Variants in CSGALNACT1 observed in about 807,000 individuals in gnomAD.
CSGALNACT1 encodes the protein beta4GalNAcT-1.
Under a neutral mutation model 51.0 loss-of-function variants are expected in CSGALNACT1, and 52 were observed. The observed-to-expected ratio is 1.02, with a 90% CI of 0.82 to 1.29. The LOEUF (loss-of-function observed/expected upper bound fraction) is 1.29. Among genes scored for constraint, CSGALNACT1 ranks in the 50% most tolerant of loss-of-function variants. The pLI, the probability that CSGALNACT1 is intolerant of heterozygous loss-of-function variation, is 0.00. For missense variants in CSGALNACT1, 935 were observed against 679.2 expected (o/e 1.38, Z -4.19); for synonymous variants, 341 against 254.4 (o/e 1.34, Z -3.24).
chr8:19,646,751 G>C (rs1012359306), intron 1 of CSGALNACT1, among the ~76,000 whole-genome samples: 3 of 152,020 alleles, frequency 2.0e-5, no homozygotes, highest in Non-Finnish European at 4.4e-5. Context: ...TCCTATTACA[G>C]TTAACAATTG....
intron 4 of CSGALNACT1, among the ~76,000 whole-genome samples, chr8:19,475,986 G>C (rs1383919907): frequency 6.6e-6 from 1 of 152,140 alleles, no homozygotes; most frequent in Non-Finnish European, 1.5e-5. Flanking sequence ...ATGTCCACGA[G>C]AAGCAATGAA....
intron 3 of CSGALNACT1, among the ~76,000 whole-genome samples, chr8:19,542,352 A>G (rs1471693258): frequency 6.6e-6 from 1 of 152,210 alleles, no homozygotes; most frequent in Non-Finnish European, 1.5e-5. Context: ...CATAATAAGA[A>G]GGGAAGAATG....
intron 1 of CSGALNACT1, among the ~76,000 whole-genome samples, chr8:19,721,798 C>CTAATTGGCTTTAGCTGTTCCTT (rs1251399452): frequency 2.0e-5 from 3 of 152,310 alleles, no homozygotes; most frequent in Non-Finnish European, 4.4e-5. Flanking sequence ...TTAAAACATG[C>CTAATTGGCTTTAGCTGTTCCTT]TAATTGGCTT....
chr8:19,520,115 C>T (rs896361009), intron 3 of CSGALNACT1, among the ~76,000 whole-genome samples: 5 of 152,200 alleles, frequency 3.3e-5, no homozygotes, highest in African/African-American at 1.2e-4. Flanking sequence ...TCTCCTCTTC[C>T]TTCCCCACCT....
intron 3 of CSGALNACT1, among the ~76,000 whole-genome samples, chr8:19,506,725 GTC>G (rs1587465302): frequency 6.6e-6 from 1 of 152,064 alleles, no homozygotes; most frequent in Admixed American, 6.6e-5. Context: ...CTGGCTCTTT[GTC>G]TCTCTCTATC....
chr8:19,487,904 C>A (rs2073373366), intron 4 of CSGALNACT1, among the ~76,000 whole-genome samples: 1 of 146,720 alleles, frequency 6.8e-6, no homozygotes, highest in Non-Finnish European at 1.5e-5. Flanking sequence ...TCAAGATATG[C>A]TAAAAAAACT....
intron 1 of CSGALNACT1, among the ~76,000 whole-genome samples, chr8:19,746,121 C>A (rs2064645295): frequency 6.6e-6 from 1 of 152,088 alleles, no homozygotes; most frequent in South Asian, 2.1e-4. Context: ...TCAAAAGAAG[C>A]AATAAACATC....
intron 3 of CSGALNACT1, among the ~76,000 whole-genome samples, chr8:19,548,571 A>T (rs370007044): frequency 9.1e-6 from 1 of 110,318 alleles, no homozygotes. Context: ...TATTATTTTT[A>T]AAACATTTTG....
At chr8:19,507,802 G>C (rs1192188997) in intron 3 of CSGALNACT1, among the ~76,000 whole-genome samples, 1 of 152,160 alleles carries the variant, frequency 6.6e-6, no homozygotes, top group Non-Finnish European at 1.5e-5. Flanking sequence ...TAATGTTTTT[G>C]TATTTTAGTA....
chr8:19,679,434 G>A (rs1440686267), intron 1 of CSGALNACT1, among the ~76,000 whole-genome samples: 2 of 152,026 alleles, frequency 1.3e-5, no homozygotes, highest in Admixed American at 6.6e-5. Context: ...TCCAGCCTGG[G>A]CAACAGAGGG....
chr8:19,441,427 C>T (rs1169134002), intron 5 of CSGALNACT1, among the ~76,000 whole-genome samples: 2 of 152,168 alleles, frequency 1.3e-5, no homozygotes, highest in African/African-American at 4.8e-5. Context: ...TATCTACAAC[C>T]ATCTGATCTT....
intron 4 of CSGALNACT1, among the ~76,000 whole-genome samples, chr8:19,469,913 CAGA>C (rs1486950617): frequency 6.6e-6 from 1 of 151,856 alleles, no homozygotes; most frequent in Non-Finnish European, 1.5e-5. Flanking sequence ...ATTTGCTTCA[CAGA>C]AGGAGAAAGG....
chr8:19,684,520 C>A (rs538419752), upstream of CSGALNACT1, among the ~76,000 whole-genome samples: 2 of 152,186 alleles, frequency 1.3e-5, no homozygotes, highest in Admixed American at 6.5e-5. Flanking sequence ...CTCCCCATAA[C>A]CCCAGGGCTC....
exon 1 of CSGALNACT1, chr8:19,602,017 C>A (rs1164717076): frequency 5.5e-6 from 2 of 360,630 alleles, no homozygotes; most frequent in South Asian, 2.2e-5. Flanking sequence ...GGTATTTGTT[C>A]TCTCCCTGTT....
intron 1 of CSGALNACT1, among the ~76,000 whole-genome samples, chr8:19,623,037 A>T (rs868783004): frequency 2.0e-5 from 3 of 152,204 alleles, no homozygotes; most frequent in African/African-American, 7.2e-5. Flanking sequence ...CATTCCACAC[A>T]TGTATCCCAG....
At chr8:19,458,630 G>C in exon 5 of CSGALNACT1, 4 of 1,613,946 alleles carry the variant, frequency 2.5e-6, no homozygotes, top group Non-Finnish European at 3.4e-6. Context: ...GTCCCTTTCT[G>C]TTCGGTAGAT....
At chr8:19,740,126 C>T (rs1053322375) in intron 1 of CSGALNACT1, among the ~76,000 whole-genome samples, 3 of 152,316 alleles carry the variant, frequency 2.0e-5, no homozygotes, top group Non-Finnish European at 4.4e-5. Flanking sequence ...ACAAGCTCTC[C>T]GCTGCCTGTG....
rs1177196453 is a variant in CSGALNACT1, at chr8:19,757,250, C to G, written c.-297+600G>C. On this transcript the variant is annotated intron_variant, in intron 1 of 1. Coordinates refer to the CSGALNACT1 transcript ENST00000517494. The surrounding 1 kb of genome is among the most constrained non-coding windows in gnomAD (Gnocchi z 4.0). ...CTGCCGCCGTCGCTGAACTTTCCCTCCTGCGCGGCCGCCGCGGACTCGGCT... is the reference window on the plus strand; with the variant it reads ...CTGCCGCCGTCGCTGAACTTTCCCTGCTGCGCGGCCGCCGCGGACTCGGCT... 1 of 149,866 alleles carries G rather than the reference C, an allele frequency of 6.7e-6. No individual in the cohort carries two copies. The highest frequency in any genetic ancestry group is 1.5e-5 in the Non-Finnish European group (1 of 67,100). 9.3% of individuals were successfully genotyped at this position (149,866 alleles called of 1,614,324 possible). A position where few individuals can be genotyped will look rare whatever the true frequency, so the allele number is the denominator to read the frequency against.
rs536804896 is a variant in CSGALNACT1 at position 19,666,980 on chromosome 8, A to T, written c.-544+15493T>A. On this transcript the variant is annotated intron_variant, in intron 1 of 9. Transcript: ENST00000332246. ...GAAAGAAAGAAAGAAAGAAAGAAAG[A>T]AAGAAAGAAAGAAAGAAAGAAAGAA... Among the ~76,000 whole-genome samples the T allele has an allele frequency of 4.1e-3, 57 of 13,762 alleles. 4 individuals carry two copies. The highest frequency in any genetic ancestry group is 0.028 in the African/African-American group (54 of 1,918). 9.0% of individuals were successfully genotyped at this position (13,762 alleles called of 152,430 possible).
Sources: gnomAD v4.1 joint callset for allele counts (sites outside exome capture counted in the v4.1 genomes callset) on GRCh38, gnomAD v4.1.1 for gene constraint, Gnocchi (gnomAD v3.1) non-coding constraint, MANE v1.5 for transcripts, NCBI Gene and HGNC (gene_info 2026-07-23, HGNC 2026-07-21) for gene names.